PCDH15: variants seen among roughly 807,000 people sequenced by gnomAD.
The protein encoded by PCDH15 is protocadherin-15.
In PCDH15, 129 loss-of-function variants were observed where a neutral mutation model predicts 178.5. The observed-to-expected ratio is 0.72, with a 90% confidence interval of 0.63 to 0.84. PCDH15 has a LOEUF of 0.84. Among genes scored for constraint, PCDH15 ranks in the 40% least tolerant of loss-of-function variants. PCDH15 has a pLI of 0.00. For synonymous variants in PCDH15, 800 were observed against 732.0 expected (o/e 1.09, Z -1.50); for missense variants, 2,230 against 2,099.9 (o/e 1.06, Z -1.21).
intron 2 of PCDH15, among the ~76,000 whole-genome samples, chr10:55,414,481 TAG>T: frequency 6.6e-6 from 1 of 151,832 alleles, no homozygotes; most frequent in East Asian, 1.9e-4. Context: ...TGGGTAAGCA[TAG>T]ACATTATAGT....
chr10:55,093,625 T>G (rs565728118), intron 2 of PCDH15, among the ~76,000 whole-genome samples: 11 of 152,256 alleles, frequency 7.2e-5, no homozygotes, highest in African/African-American at 2.6e-4. Flanking sequence ...AACATTTAAG[T>G]CTTTAATCCA....
In PCDH15 at chr10:54,329,642, AG is replaced by A; in HGVS notation, c.658del (p.Leu220SerfsTer12). Reference protein sequence around the residue: ...LTGNIVLRKRLNYEDKTRYFV... With the variant: ...LTGNIVLRKRXNYEDKTRYFV... ...GTAGCGAGTCTTATCTTCATAGTTG[AG>A]CCTCTTCCTTAACACTATATTTCCA... is the stretch of plus-strand genomic sequence containing the variant. On this transcript the variant is annotated frameshift_variant, in exon 7 of 38. Transcript: ENST00000644397. LOFTEE classifies it high-confidence loss of function. 2 of 1,609,418 alleles carry A rather than the reference AG, an allele frequency of 1.2e-6. No individual in the cohort carries two copies. The highest frequency in any genetic ancestry group is 1.7e-6 in the Non-Finnish European group (2 of 1,176,078).
At chr10:54,276,706 CAAAG>C (rs1263190970) in intron 8 of PCDH15, among the ~76,000 whole-genome samples, 3 of 151,498 alleles carry the variant, frequency 2.0e-5, no homozygotes, top group African/African-American at 7.3e-5. Flanking sequence ...TGTATCAAAA[CAAAG>C]AACTTGAAAA....
intron 18 of PCDH15, among the ~76,000 whole-genome samples, chr10:54,044,207 C>T (rs2093611467): frequency 1.3e-5 from 2 of 152,090 alleles, no homozygotes; most frequent in South Asian, 4.2e-4. Context: ...GGCCAGGACA[C>T]CTGGAGTTGA....
chr10:53,809,540 G>T, intron 37 of PCDH15: 1 of 1,606,664 alleles, frequency 6.2e-7, no homozygotes. Context: ...ATTTTCTTTG[G>T]CTCTTCCTGA....
chr10:55,548,911 G>T (rs973996734), intron 2 of PCDH15, among the ~76,000 whole-genome samples: 7 of 152,046 alleles, frequency 4.6e-5, no homozygotes, highest in African/African-American at 1.7e-4. Context: ...AAGAGATAAA[G>T]TGCTTTAAAA....
chr10:54,251,182 TTGCTTTCTTTA>T (rs1376748595), intron 8 of PCDH15, among the ~76,000 whole-genome samples: 1 of 152,168 alleles, frequency 6.6e-6, no homozygotes, highest in African/African-American at 2.4e-5. Context: ...TACCTAATCT[TTGCTTTCTTTA>T]TGCTTTCTTC....
intron 15 of PCDH15, among the ~76,000 whole-genome samples, chr10:54,104,905 G>A (rs2094883676): frequency 1.4e-5 from 2 of 143,948 alleles, no homozygotes; most frequent in South Asian, 2.3e-4. Flanking sequence ...TCATCACTTT[G>A]TCCAGTAAAC....
chr10:54,343,341 C>G (rs748561012), intron 6 of PCDH15, among the ~76,000 whole-genome samples: 158 of 152,156 alleles, frequency 1.0e-3, no homozygotes, highest in South Asian at 2.3e-3. Context: ...CCCCTTCACT[C>G]TCTCTCTCCT....
At chr10:54,754,946 T>C (rs10825394) in intron 1 of PCDH15, among the ~76,000 whole-genome samples, 1,908 of 25,646 alleles carry the variant, frequency 0.074, 77 homozygotes, top group African/African-American at 0.18. Flanking sequence ...TTCTTTCTTT[T>C]TTTTTTTTTT....
chr10:54,242,851 A>G (rs2055553114), intron 8 of PCDH15, among the ~76,000 whole-genome samples: 1 of 152,176 alleles, frequency 6.6e-6, no homozygotes, highest in African/African-American at 2.4e-5. Context: ...CTGGAAAGGT[A>G]ATCTGAGCTC....
chr10:54,609,376 A>C (rs1382848413), intron 2 of PCDH15, among the ~76,000 whole-genome samples: 2 of 152,060 alleles, frequency 1.3e-5, no homozygotes, highest in Non-Finnish European at 2.9e-5. Flanking sequence ...TTCCACACCA[A>C]TGTCTCAGGA....
intron 7 of PCDH15, among the ~76,000 whole-genome samples, chr10:54,319,796 G>A (rs2061485190): frequency 6.8e-6 from 1 of 147,706 alleles, no homozygotes; most frequent in Non-Finnish European, 1.5e-5. Context: ...TAAAAAAAAA[G>A]TCCCTCTTGT....
chr10:54,407,326 C>T (rs541050936), intron 3 of PCDH15, among the ~76,000 whole-genome samples: 1 of 152,022 alleles, frequency 6.6e-6, no homozygotes, highest in South Asian at 2.1e-4. Context: ...GTATAGTTAA[C>T]GTTGGTATAT....
At chr10:54,339,615 A>G (rs1378363041) in intron 6 of PCDH15, among the ~76,000 whole-genome samples, 1 of 152,208 alleles carries the variant, frequency 6.6e-6, no homozygotes, top group East Asian at 1.9e-4. Context: ...GCAGACTGAC[A>G]AAGATTCTTT....
intron 1 of PCDH15, among the ~76,000 whole-genome samples, chr10:55,218,736 G>A (rs1047543231): frequency 9.9e-5 from 15 of 151,940 alleles, no homozygotes; most frequent in Non-Finnish European, 4.4e-5. Context: ...AAAACTTTGG[G>A]CACTTTGCTG....
chr10:53,852,798 C>G (rs2078474578), intron 28 of PCDH15, among the ~76,000 whole-genome samples: 1 of 151,838 alleles, frequency 6.6e-6, no homozygotes. Flanking sequence ...TCCACTTCAT[C>G]GGATAGGGAT....
At chr10:53,969,905 A>G (rs948225147) in intron 21 of PCDH15, among the ~76,000 whole-genome samples, 1 of 152,206 alleles carries the variant, frequency 6.6e-6, no homozygotes, top group African/African-American at 2.4e-5. Context: ...CTGCAAAAAC[A>G]TGCCAAATTG....
Position 53,827,387 on chromosome 10 carries a change from A to C in PCDH15, c.4367+6T>G. On this transcript the variant is annotated splice_donor_region_variant and intron_variant, in intron 32 of 37. Coordinates refer to ENST00000644397, the MANE Select transcript of PCDH15 (RefSeq NM_001384140.1). ...ACTTCTCAGAGTTCCTGAACGGTCT[A>C]CTTACATTGAGCTGTCTCCAAGTTC... The C allele has an allele frequency of 3.7e-6, 6 of 1,610,180 alleles. No homozygotes were observed. Among genetic ancestry groups the C allele is most frequent in the Non-Finnish European group, 4.2e-6 (5 of 1,177,452 alleles).
Sources: gnomAD v4.1 joint callset for allele counts (sites outside exome capture counted in the v4.1 genomes callset) on GRCh38, gnomAD v4.1.1 for gene constraint, MANE v1.5 for transcripts, NCBI Gene and HGNC (gene_info 2026-07-23, HGNC 2026-07-21) for gene names.